The following PCDH11X variants were observed in gnomAD, a reference collection of about 807,000 sequenced individuals.
PCDH11X encodes protocadherin-11 X-linked.
Under a neutral mutation model 53.3 loss-of-function variants are expected in PCDH11X, and 18 were observed. That is an observed-to-expected ratio of 0.34 (90% CI 0.23 to 0.50). PCDH11X has a LOEUF of 0.50. Ranked by LOEUF, PCDH11X falls within the 20% of genes least tolerant of loss-of-function variation. The pLI is 0.98. For missense variants in PCDH11X, 570 were observed against 1,032.4 expected (o/e 0.55, Z 6.14); for synonymous variants, 279 against 393.3 (o/e 0.71, Z 3.44).
chrX:92,294,269 G>A (rs979870446), intron 8 of PCDH11X, among the ~76,000 whole-genome samples: 2 of 109,963 alleles, frequency 1.8e-5, no homozygotes, highest in African/African-American at 3.3e-5. Context: ...AGCTTCCCAC[G>A]TAGCTGGGAT....
At chrX:92,532,090 T>C (rs1179496257) in intron 10 of PCDH11X, among the ~76,000 whole-genome samples, 2 of 111,173 alleles carry the variant, frequency 1.8e-5, no homozygotes, top group African/African-American at 6.5e-5. Flanking sequence ...CTGGTCTGCC[T>C]TTTTCTACTT....
chrX:92,109,852 G>C (rs1230194346), intron 6 of PCDH11X, among the ~76,000 whole-genome samples: 1 of 112,355 alleles, frequency 8.9e-6, no homozygotes, highest in African/African-American at 3.2e-5. Flanking sequence ...CAGCTTAAAG[G>C]TTAGAAGCAA....
intron 7 of PCDH11X, among the ~76,000 whole-genome samples, chrX:92,236,089 T>C (rs186321728): frequency 3.7e-4 from 41 of 111,392 alleles, no homozygotes; most frequent in African/African-American, 1.3e-3. Flanking sequence ...TCTCAACATT[T>C]TACCAAAGAA....
At chrX:92,134,976 G>A (rs1263691470) in intron 6 of PCDH11X, among the ~76,000 whole-genome samples, 3 of 110,845 alleles carry the variant, frequency 2.7e-5, no homozygotes, top group African/African-American at 9.8e-5. Flanking sequence ...CAGCCCAGTA[G>A]GACTCAGTCT....
intron 4 of PCDH11X, among the ~76,000 whole-genome samples, chrX:91,824,976 T>G (rs1936854470): frequency 9.1e-6 from 1 of 109,809 alleles, no homozygotes; most frequent in Non-Finnish European, 1.9e-5. Flanking sequence ...TGCCTCCCAG[T>G]TAGGCTGCTC....
At chrX:92,410,644 A>G (rs965542694) in intron 9 of PCDH11X, among the ~76,000 whole-genome samples, 1 of 102,028 alleles carries the variant, frequency 9.8e-6, no homozygotes, top group Non-Finnish European at 1.9e-5. Flanking sequence ...TTTTTGCTGA[A>G]TTGGCTTAAA....
At chrX:92,318,550 C>G (rs35449006) in intron 8 of PCDH11X, among the ~76,000 whole-genome samples, 5 of 111,277 alleles carry the variant, frequency 4.5e-5, no homozygotes, top group African/African-American at 1.6e-4. Context: ...TGCATAAACC[C>G]TTTGTTTCTC....
intron 10 of PCDH11X, among the ~76,000 whole-genome samples, chrX:92,538,667 A>G (rs1440111223): frequency 1.2e-3 from 120 of 97,193 alleles, no homozygotes; most frequent in African/African-American, 4.3e-3. Flanking sequence ...AACACTCTAT[A>G]CTTTAACTTT....
intron 6 of PCDH11X, among the ~76,000 whole-genome samples, chrX:91,950,589 G>GATATATAT (rs72440976): frequency 2.0e-5 from 2 of 99,471 alleles, no homozygotes; most frequent in African/African-American, 7.2e-5. Flanking sequence ...ATATAAATGT[G>GATATATAT]ATATATATAT....
chrX:92,009,367 A>T (rs1452444407), intron 6 of PCDH11X, among the ~76,000 whole-genome samples: 2 of 111,557 alleles, frequency 1.8e-5, no homozygotes, highest in East Asian at 5.6e-4. Context: ...GTCTATCCTA[A>T]AGCTTAAATA....
chrX:92,463,061 C>T (rs1212210984), intron 9 of PCDH11X, among the ~76,000 whole-genome samples: 10 of 107,297 alleles, frequency 9.3e-5, no homozygotes, highest in Non-Finnish European at 1.2e-4. Flanking sequence ...TTATGATTGG[C>T]TAGATTCTCT....
At chrX:92,259,988 C>T (rs769050260) in intron 7 of PCDH11X, among the ~76,000 whole-genome samples, 12 of 111,429 alleles carry the variant, frequency 1.1e-4, no homozygotes, top group Non-Finnish European at 2.3e-4. Context: ...AAGTCCTCCG[C>T]ATTCTTCCCT....
chrX:91,892,339 C>G (rs186924440), intron 6 of PCDH11X, among the ~76,000 whole-genome samples: 1 of 107,589 alleles, frequency 9.3e-6, no homozygotes, highest in African/African-American at 3.4e-5. Context: ...CTACCCTGTA[C>G]CCATAATACT....
At position 92,449,426 on chromosome X, in the gene PCDH11X, A is replaced by G. The variant is rs762009446; in HGVS notation, c.3344-18873A>G. On this transcript the variant is annotated intron_variant, in intron 9 of 10. Coordinates refer to ENST00000682573, the MANE Select transcript of PCDH11X (RefSeq NM_032968.5). ...GGAAGACCAAGAAACATCAAGCAAC[A>G]GAAACTGAATTTCTGGTCAACCTAT... is the stretch of plus-strand genomic sequence containing the variant. Among the ~76,000 whole-genome samples, 10 of 112,088 alleles carry G rather than the reference A, an allele frequency of 8.9e-5. No homozygotes were observed. In the Admixed American group the frequency reaches 9.5e-4, roughly 11 times the overall value.
intron 6 of PCDH11X, among the ~76,000 whole-genome samples, chrX:91,893,410 C>G (rs1242952125): frequency 2.9e-5 from 3 of 104,068 alleles, no homozygotes; most frequent in African/African-American, 1.0e-4. Flanking sequence ...TGCAGTGGCG[C>G]GATCTCGGCT....
chrX:92,529,196 A>T (rs748012451), intron 10 of PCDH11X, among the ~76,000 whole-genome samples: 23 of 112,030 alleles, frequency 2.1e-4, no homozygotes, highest in African/African-American at 7.1e-4. Context: ...ATCTGTGTTG[A>T]TGTAACAAGC....
chrX:91,876,929 C>G lies in PCDH11X; in HGVS notation c.689C>G (p.Ser230Cys). 1 of 1,211,020 alleles carries G rather than the reference C, an allele frequency of 8.3e-7. No homozygotes were observed. Among genetic ancestry groups the G allele is most frequent in the Non-Finnish European group, 1.1e-6 (1 of 895,322 alleles). ...GAAGATGGTGGCTTTCCTCAAAGAT[C>G]CAGTACTGCTATTTTGCAAGTGAGT... Reference protein sequence around the residue: ...KVEDGGFPQRSSTAILQVSVT... With the variant: ...KVEDGGFPQRCSTAILQVSVT... The change falls in exon 6 of 11, where the codon TCC becomes TGC. Residue 230 changes from serine to cysteine, a missense_variant. By Grantham distance (112) the Ser-to-Cys change is moderately radical. This residue lies in a region of PCDH11X where 15 missense variants were observed against 28.4 expected (regional missense o/e 0.53). Coordinates refer to ENST00000682573, the MANE Select transcript of PCDH11X (RefSeq NM_032968.5).
chrX:92,423,348 T>C (rs1055568103), intron 9 of PCDH11X, among the ~76,000 whole-genome samples: 2 of 97,552 alleles, frequency 2.1e-5, no homozygotes, highest in African/African-American at 6.7e-5. Context: ...TTTGTTTTTT[T>C]CTGTTAATTC....
At chrX:92,330,265 C>A (rs2069433556) in intron 8 of PCDH11X, among the ~76,000 whole-genome samples, 1 of 111,216 alleles carries the variant, frequency 9.0e-6, no homozygotes, top group South Asian at 3.8e-4. Context: ...AGAAAATTAT[C>A]AACCTAATTA....
Sources: gnomAD v4.1 joint callset for allele counts (sites outside exome capture counted in the v4.1 genomes callset) on GRCh38, gnomAD v4.1.1 for gene constraint, gnomAD v4.1.1 regional missense constraint, MANE v1.5 for transcripts, NCBI Gene and HGNC (gene_info 2026-07-23, HGNC 2026-07-21) for gene names.